Variants in FAT3 observed in about 807,000 individuals in gnomAD.
FAT3 encodes the protein FAT atypical cadherin 3.
Under a neutral mutation model 310.2 loss-of-function variants are expected in FAT3, and 95 were observed. The ratio of observed to expected loss-of-function variants is 0.31; its 90% confidence interval spans 0.26 to 0.36. The LOEUF is 0.36. Ranked by LOEUF, FAT3 falls within the 10% of genes least tolerant of loss-of-function variation. The probability of loss-of-function intolerance (pLI) is 1.00; values close to 1 mark genes in which losing one functional copy is unlikely to be tolerated. For synonymous variants in FAT3, 2,314 were observed against 2,192.9 expected (o/e 1.06, Z -1.54); for missense variants, 5,408 against 5,715.6 (o/e 0.95, Z 1.74).
chr11:92,820,867 A>G (rs987066123), intron 13 of FAT3, among the ~76,000 whole-genome samples: 3 of 152,206 alleles, frequency 2.0e-5, no homozygotes, highest in African/African-American at 2.4e-5. Context: ...CTTCAAGTCT[A>G]TCCACACATC....
intron 3 of FAT3, among the ~76,000 whole-genome samples, chr11:92,532,532 T>C (rs1274519099): frequency 6.6e-6 from 1 of 152,144 alleles, no homozygotes; most frequent in Non-Finnish European, 1.5e-5. Flanking sequence ...TTTTAAAGGC[T>C]CTATGAATAC....
chr11:92,250,794 G>C (rs990124222), intron 1 of FAT3, among the ~76,000 whole-genome samples: 1 of 152,078 alleles, frequency 6.6e-6, no homozygotes, highest in Non-Finnish European at 1.5e-5. Flanking sequence ...CATTGCTTCA[G>C]AACCATTTTT....
chr11:92,308,514 A>C (rs1255393820), intron 1 of FAT3, among the ~76,000 whole-genome samples: 2 of 152,192 alleles, frequency 1.3e-5, no homozygotes, highest in Non-Finnish European at 2.9e-5. Context: ...CTTACTATGA[A>C]AGTTATTGTG....
At chr11:92,408,946 C>T (rs370304845) in intron 2 of FAT3, among the ~76,000 whole-genome samples, 5 of 152,028 alleles carry the variant, frequency 3.3e-5, no homozygotes, top group East Asian at 1.9e-4. Flanking sequence ...GAATAATTTT[C>T]GGCAAAAGTT....
At chr11:92,470,444 G>A (rs954182579) in intron 2 of FAT3, among the ~76,000 whole-genome samples, 8 of 152,214 alleles carry the variant, frequency 5.3e-5, no homozygotes, top group Middle Eastern at 3.4e-3. Flanking sequence ...TCTTAAACCT[G>A]TCTTGAAATG....
chr11:92,370,166 G>T lies in FAT3; in HGVS notation c.3292+14762G>T, dbSNP rs558880758. Among the ~76,000 whole-genome samples the T allele has an allele frequency of 2.0e-5, 3 of 152,218 alleles. No individual in the cohort carries two copies. In the South Asian group the frequency reaches 6.2e-4, roughly 32 times the overall value. On this transcript the variant is annotated intron_variant, in intron 2 of 27. Transcript: ENST00000525166. ...TAATCATAATATGCACATTATTGTT[G>T]TAATTTACTATAAATAATCTAACTT...
intron 3 of FAT3, among the ~76,000 whole-genome samples, chr11:92,621,866 A>G (rs780294069): frequency 3.3e-5 from 5 of 152,220 alleles, no homozygotes; most frequent in Non-Finnish European, 7.3e-5. Flanking sequence ...GCCCTTTATC[A>G]GAAACCCCTA....
chr11:92,763,415 A>G (rs1946213238), intron 5 of FAT3, among the ~76,000 whole-genome samples: 1 of 152,080 alleles, frequency 6.6e-6, no homozygotes, highest in Non-Finnish European at 1.5e-5. Flanking sequence ...GCTATGTGAG[A>G]CTTGCAGTTT....
At chr11:92,781,492 G>C (rs1353806914) in intron 7 of FAT3, among the ~76,000 whole-genome samples, 1 of 152,098 alleles carries the variant, frequency 6.6e-6, no homozygotes, top group African/African-American at 2.4e-5. Flanking sequence ...GGTATACATA[G>C]GTAAAGAGAT....
rs1440088788 is a variant in FAT3 at position 92,229,510 on chromosome 11, T to TTTTTC, written c.-18+4339_-18+4340insTCTTT. On this transcript the variant is annotated intron_variant, in intron 1 of 27. Transcript: ENST00000525166. Reference sequence around the variant, plus strand: ...TTTTCGTGTTTTTTTTTTTTTTGTTTTTTGTTTTTTTTTACATTGCCTCCC... The same window carrying TTTTTC: ...TTTTCGTGTTTTTTTTTTTTTTGTTTTTTTCTTTGTTTTTTTTTACATTGCCTCCC... Among the ~76,000 whole-genome samples, 96 of 77,144 alleles carry TTTTTC rather than the reference T, an allele frequency of 1.2e-3. 6 individuals are homozygous for TTTTTC. The highest frequency in any genetic ancestry group is 3.5e-3 in the African/African-American group (89 of 25,114). 50.6% of individuals were successfully genotyped at this position (77,144 alleles called of 152,430 possible).
At chr11:92,421,142 C>T (rs1369476217) in intron 2 of FAT3, among the ~76,000 whole-genome samples, 1 of 152,164 alleles carries the variant, frequency 6.6e-6, no homozygotes, top group East Asian at 1.9e-4. Flanking sequence ...TTAAATACTT[C>T]CCAAAGAATA....
intron 3 of FAT3, among the ~76,000 whole-genome samples, chr11:92,644,080 C>G (rs181999575): frequency 6.6e-6 from 1 of 152,182 alleles, no homozygotes; most frequent in Admixed American, 6.5e-5. Context: ...CTGCTGCCTG[C>G]GAGGGCAGCC....
rs369846065 is a variant in FAT3 at position 92,695,226 on chromosome 11, G to A, written c.3608-2158G>A. Among the ~76,000 whole-genome samples the A allele has an allele frequency of 3.0e-4, 46 of 152,234 alleles. No homozygotes were observed. The South Asian group carries it at 9.5e-3, about 32-fold the overall frequency. ...CAGTGAGATTCAGTGAAAGATAGTG[G>A]AATTGGATAGTACTTTACTCTTAGA... On this transcript the variant is annotated intron_variant, in intron 3 of 27. Transcript: ENST00000525166.
At chr11:92,258,791 C>T (rs1266779330) in intron 1 of FAT3, among the ~76,000 whole-genome samples, 1 of 151,876 alleles carries the variant, frequency 6.6e-6, no homozygotes, top group East Asian at 1.9e-4. Flanking sequence ...GAAAGAGATG[C>T]AGTAGAGGCT....
chr11:92,416,956 C>T (rs150136667), intron 2 of FAT3, among the ~76,000 whole-genome samples: 6 of 152,236 alleles, frequency 3.9e-5, no homozygotes, highest in South Asian at 2.1e-4. Flanking sequence ...TAGGGCATTT[C>T]GCCAGGGCAG....
chr11:92,253,156 A>T (rs1253308394), intron 1 of FAT3, among the ~76,000 whole-genome samples: 1 of 151,914 alleles, frequency 6.6e-6, no homozygotes, highest in African/African-American at 2.4e-5. Context: ...GCCTTGCAGT[A>T]TGCCTTTTCT....
intron 1 of FAT3, among the ~76,000 whole-genome samples, chr11:92,269,639 G>A (rs200647382): frequency 1.6e-4 from 24 of 152,198 alleles, no homozygotes; most frequent in East Asian, 1.5e-3. Flanking sequence ...TAATAAAACC[G>A]TGCATGTCTA....
At chr11:92,746,698 G>A (rs1234997421) in intron 4 of FAT3, among the ~76,000 whole-genome samples, 3 of 152,298 alleles carry the variant, frequency 2.0e-5, no homozygotes, top group African/African-American at 7.2e-5. Context: ...AAGCAAGTTA[G>A]CTACTTCCCA....
chr11:92,890,015 G>C (rs866636514), intron 27 of FAT3, 124 bp downstream of exon 27: 1 of 713,466 alleles, frequency 1.4e-6, no homozygotes, highest in African/African-American at 1.7e-5. Context: ...TGTCTCGTGC[G>C]CTCAGTATTG....
Sources: allele counts gnomAD v4.1 joint callset (sites outside exome capture counted in the v4.1 genomes callset), GRCh38; gene constraint gnomAD v4.1.1; transcripts MANE v1.5; gene names NCBI Gene and HGNC (gene_info 2026-07-23, HGNC 2026-07-21).